ERCC5: variants seen among roughly 807,000 people sequenced by gnomAD.
ERCC5 encodes the protein ERCC excision repair 5, endonuclease.
A neutral mutation model predicts 105.6 loss-of-function variants in ERCC5; 68 were observed. The observed-to-expected ratio is 0.64, with a 90% CI of 0.53 to 0.79. The LOEUF is 0.79. ERCC5 is among the 30% of genes least tolerant of loss of function. The pLI is 0.00. For synonymous variants in ERCC5, 546 were observed against 526.2 expected, an observed-to-expected ratio of 1.04 and a Z score of -0.51; for missense variants, 1,373 against 1,426.7, an observed-to-expected ratio of 0.96 and a Z score of 0.61.
chr13:102,850,939 A>T (rs1425431976), intron 1 of ERCC5, among the ~76,000 whole-genome samples: 2 of 152,188 alleles, frequency 1.3e-5, no homozygotes, highest in African/African-American at 4.8e-5. Context: ...GCTGGCAAAG[A>T]GTCTGAGAGC....
At chr13:102,857,872 C>T (rs1882483081) in intron 5 of ERCC5, among the ~76,000 whole-genome samples, 1 of 152,078 alleles carries the variant, frequency 6.6e-6, no homozygotes, top group Non-Finnish European at 1.5e-5. Flanking sequence ...ACGTTCTGTT[C>T]ATGTAATCAC....
rs759838916 is a variant in ERCC5, at chr13:102,875,505, A to G, written c.3163A>G (p.Thr1055Ala). ...FELLDKAKGK[T>A]QKRGITNTLE... is the part of the protein sequence containing the mutation. Reference sequence around the variant, plus strand: ...GCTACTTGATAAGGCAAAAGGAAAAACCCAGAAGAGAGGCATAACAAATAC... The same window carrying G: ...GCTACTTGATAAGGCAAAAGGAAAAGCCCAGAAGAGAGGCATAACAAATAC... Residue 1055 changes from threonine (T) to alanine (A), a missense_variant, in exon 15 of 15, where the codon ACC (threonine) becomes GCC (alanine). Physicochemically the swap from Thr to Ala is moderately conservative, Grantham distance 58. Around this residue, in one of 3 missense-constraint regions of ERCC5, gnomAD observed 367 missense variants for 350.2 expected, o/e 1.05. Coordinates refer to ENST00000652225, the MANE Select transcript of ERCC5 (RefSeq NM_000123.4). 6.2e-7 allele frequency: 1 copy of G among 1,614,146 alleles called. No homozygotes were observed. The highest frequency in any genetic ancestry group is 8.5e-7 in the Non-Finnish European group (1 of 1,180,002).
intron 13 of ERCC5, 106 bp from the exon 14 acceptor site, chr13:102,873,153 C>A: frequency 7.4e-7 from 1 of 1,354,228 alleles, no homozygotes; most frequent in Admixed American, 1.8e-5. Flanking sequence ...ATAGGAAAAT[C>A]TTAGGAGATA....
chr13:102,854,501 T>C (rs1184043093), intron 4 of ERCC5, 127 bp downstream of exon 4: 2 of 871,084 alleles, frequency 2.3e-6, no homozygotes, highest in African/African-American at 3.4e-5. Flanking sequence ...ATAGGCATGC[T>C]CTATACCTTT....
In ERCC5 at chr13:102,853,842, A is replaced by G. The variant is rs2140518874; in HGVS notation, c.350A>G (p.Gln117Arg). 2 of 1,614,232 alleles carry G rather than the reference A, an allele frequency of 1.2e-6. No homozygotes were observed. The highest frequency in any genetic ancestry group is 1.7e-6 in the Non-Finnish European group (2 of 1,180,028). The change falls in exon 3 of 15, where the codon CAA becomes CGA. Residue 117 changes from glutamine (Q) to arginine (R), a missense_variant. Around this residue, in one of 3 missense-constraint regions of ERCC5, gnomAD observed 1,004 missense variants for 1,059.7 expected, o/e 0.95. Coordinates refer to ENST00000652225, the MANE Select transcript of ERCC5 (RefSeq NM_000123.4). ...CTTCTGAAAACATTTTTGAAAAGAC[A>G]AGCCATCAAAACTGCCTTCAGAAGC... ...EKLLKTFLKR[Q>R]AIKTAFRSKR... is the part of the protein sequence containing the mutation.
At position 102,846,314 on chromosome 13, in the gene ERCC5, G is replaced by A. The variant is rs202038276; in HGVS notation, c.48G>A (p.Gln16=). ...LWKLLECSGR[Q]VSPEALEGKI... is the part of the protein sequence containing the mutation. Reference sequence around the variant, plus strand: ...AGCTGCTGGAGTGCTCCGGGCGGCAGGTCAGCCCCGAAGCGCTGGAAGGGA... The same window carrying A: ...AGCTGCTGGAGTGCTCCGGGCGGCAAGTCAGCCCCGAAGCGCTGGAAGGGA... Residue 16 remains glutamine, a synonymous_variant, in exon 1 of 15, where the codon CAG becomes CAA. Coordinates refer to ENST00000652225, the MANE Select transcript of ERCC5 (RefSeq NM_000123.4). 6.3e-5 allele frequency: 101 copies of A among 1,614,004 alleles called. 1 individual carries two copies. Among genetic ancestry groups the A allele is most frequent in the Non-Finnish European group, 8.5e-6 (10 of 1,180,014 alleles).
At chr13:102,860,605 G>A (rs1456028669) in intron 6 of ERCC5, among the ~76,000 whole-genome samples, 4 of 152,080 alleles carry the variant, frequency 2.6e-5, no homozygotes, top group Non-Finnish European at 4.4e-5. Flanking sequence ...TTTGATCCCA[G>A]ATCTACCACT....
intron 2 of ERCC5, 40 bp from the exon 3 acceptor site, chr13:102,853,717 A>G (rs766025622): frequency 6.3e-7 from 1 of 1,586,400 alleles, no homozygotes; most frequent in Non-Finnish European, 8.6e-7. Context: ...CTAGTGGTCT[A>G]ATATCCTGAA....
rs765492230 is a variant in ERCC5 at position 102,862,058 on chromosome 13, G to A, written c.909G>A (p.Val303=). The stretch of plus-strand genomic sequence containing the variant: ...TTCAAGCTAAGACAGTTGCAGAAGT[G>A]GATTCAGAGTCTCTTCCTTCTTCCA... ...KGIQAKTVAE[V]DSESLPSSSK... is the part of the protein sequence containing the mutation. The change falls in exon 8 of 15, where the codon GTG becomes GTA. Residue 303 remains valine, a synonymous_variant. Transcript: ENST00000652225. The A allele has an allele frequency of 1.9e-6, 3 of 1,614,180 alleles. No individual in the cohort carries two copies. Among genetic ancestry groups the A allele is most frequent in the South Asian group, 1.1e-5 (1 of 91,078 alleles).
In ERCC5 at chr13:102,866,690, A is replaced by G; in HGVS notation, c.2378A>G (p.Gln793Arg). The G allele has an allele frequency of 6.2e-7, 1 of 1,614,222 alleles. No individual in the cohort carries two copies. The highest frequency in any genetic ancestry group is 8.5e-7 in the Non-Finnish European group (1 of 1,180,040). The stretch of plus-strand genomic sequence containing the variant: ...CAGGCTCCCATGGAAGCAGAGGCGC[A>G]GTGCGCCATCCTGGACCTGACTGAT... ...YIQAPMEAEA[Q>R]CAILDLTDQT... Residue 793 changes from glutamine to arginine, a missense_variant, in exon 11 of 15, where the codon CAG becomes CGG. Transcript: ENST00000652225.
chr13:102,846,157 G>C lies in ERCC5; in HGVS notation c.-110G>C. On this transcript the variant is annotated 5_prime_UTR_variant, in exon 1 of 15. Transcript: ENST00000652225. ...TTCTGTATTATTTGCCATCTTTGTT[G>C]TGTAGGAGCAGGGAGGGCTTCCTCC... 1 of 830,340 alleles carries C rather than the reference G, an allele frequency of 1.2e-6. No homozygotes were observed. The highest frequency in any genetic ancestry group is 2.0e-6 in the Non-Finnish European group (1 of 503,056). The allele number at this position is 830,340 out of a possible 1,614,324, so 51.4% of individuals were successfully genotyped here.
At chr13:102,861,851 A>G in intron 7 of ERCC5, 137 bp downstream of exon 7, 3 of 1,346,286 alleles carry the variant, frequency 2.2e-6, no homozygotes, top group Non-Finnish European at 3.1e-6. Flanking sequence ...CTATTAATGG[A>G]TTAACTACTA....
chr13:102,857,442 A>G (rs1350956388), intron 5 of ERCC5, among the ~76,000 whole-genome samples: 1 of 152,164 alleles, frequency 6.6e-6, no homozygotes, highest in Non-Finnish European at 1.5e-5. Context: ...AGCACAGGAA[A>G]TGCTGAGCGC....
chr13:102,858,969 C>G lies in ERCC5; in HGVS notation c.672+551C>G, dbSNP rs541952352. On this transcript the variant is annotated intron_variant, in intron 6 of 14. Transcript: ENST00000652225. Reference sequence around the variant, plus strand: ...CATTGGCTCTCCACATTCCCTTGCCCTCTTCCTGGACAGTGCGAATGGGGC... The same window carrying G: ...CATTGGCTCTCCACATTCCCTTGCCGTCTTCCTGGACAGTGCGAATGGGGC... The G allele has an allele frequency of 1.6e-4, 74 of 456,004 alleles. 1 individual carries two copies. Among genetic ancestry groups the G allele is most frequent in the African/African-American group, 1.3e-3 (66 of 50,186 alleles). The allele number at this position is 456,004 out of a possible 1,614,324, so 28.2% of individuals were successfully genotyped here. A position where few individuals can be genotyped will look rare whatever the true frequency, so the allele number is the denominator to read the frequency against.
At chr13:102,852,330 T>G (rs1199024103) in intron 2 of ERCC5, 37 bp downstream of exon 2, 3 of 1,605,424 alleles carry the variant, frequency 1.9e-6, no homozygotes, top group Non-Finnish European at 2.5e-6. Flanking sequence ...TGTCAAATAA[T>G]TTTTTTCTTT....
chr13:102,866,837 A>C lies in ERCC5; in HGVS notation c.2525A>C (p.Asn842Thr), dbSNP rs754531921. ...TATTATCAATATGTGGACTTTCACA[A>C]TCAATTGGGTAAGACTTCAGAGTCT... ...VEYYQYVDFH[N>T]QLGLDRNKLI... Residue 842 changes from asparagine to threonine, a missense_variant, in exon 11 of 15, where the codon AAT (asparagine) becomes ACT (threonine). Transcript: ENST00000652225. 7 of 1,609,648 alleles carry C rather than the reference A, an allele frequency of 4.3e-6. No homozygotes were observed. The South Asian group carries it at 7.7e-5, about 18-fold the overall frequency.
chr13:102,873,470 T>A, intron 14 of ERCC5, 127 bp downstream of exon 14: 1 of 1,071,812 alleles, frequency 9.3e-7, no homozygotes, highest in Non-Finnish European at 1.4e-6. Context: ...ATAATTTAGA[T>A]GAGAGAATAG....
chr13:102,847,374 T>A (rs1247435337), intron 1 of ERCC5, among the ~76,000 whole-genome samples: 1 of 151,456 alleles, frequency 6.6e-6, no homozygotes, highest in Non-Finnish European at 1.5e-5. Context: ...AATGGGGATC[T>A]ATGAGTCTAG....
intron 5 of ERCC5, among the ~76,000 whole-genome samples, chr13:102,856,553 A>G (rs1196243069): frequency 1.3e-5 from 2 of 152,250 alleles, no homozygotes; most frequent in Non-Finnish European, 2.9e-5. Flanking sequence ...ATGTGTACAC[A>G]TATGTGTGTA....
Sources: allele counts gnomAD v4.1 joint callset (sites outside exome capture counted in the v4.1 genomes callset), GRCh38; gene constraint gnomAD v4.1.1; regional missense constraint gnomAD v4.1.1; transcripts MANE v1.5; gene names NCBI Gene and HGNC (gene_info 2026-07-23, HGNC 2026-07-21).